The following KIF6 variants were observed in gnomAD, a reference collection of about 807,000 sequenced individuals.
KIF6 encodes kinesin-like protein KIF6.
A neutral mutation model predicts 112.7 loss-of-function variants in KIF6; 106 were observed. The observed-to-expected ratio is 0.94, with a 90% CI of 0.80 to 1.11. KIF6 has a LOEUF of 1.11. KIF6 is among the 50% of genes least tolerant of loss of function. The pLI is 0.00. For synonymous variants in KIF6, 339 were observed against 339.9 expected (o/e 1.00, Z 0.03); for missense variants, 929 against 964.0 (o/e 0.96, Z 0.48).
intron 5 of KIF6, among the ~76,000 whole-genome samples, chr6:39,624,929 T>A (rs1784012847): frequency 6.6e-6 from 1 of 152,240 alleles, no homozygotes. Context: ...TAACTTCCAA[T>A]GTGATGATAT....
intron 13 of KIF6, among the ~76,000 whole-genome samples, chr6:39,506,316 C>T (rs1776423955): frequency 1.3e-5 from 2 of 152,066 alleles, no homozygotes; most frequent in South Asian, 4.1e-4. Context: ...AATGAGGACA[C>T]ATGGATGCAG....
chr6:39,559,880 A>C (rs1779921745), intron 10 of KIF6, among the ~76,000 whole-genome samples: 1 of 152,218 alleles, frequency 6.6e-6, no homozygotes, highest in South Asian at 2.1e-4. Context: ...ACTGTTTTTA[A>C]GGCAAAACTA....
chr6:39,452,891 T>C (rs1470922829), intron 13 of KIF6, among the ~76,000 whole-genome samples: 2 of 152,230 alleles, frequency 1.3e-5, no homozygotes, highest in Non-Finnish European at 2.9e-5. Flanking sequence ...CCTATAATGC[T>C]ATGATTCTTG....
At chr6:39,710,207 A>G (rs1275654793) in intron 3 of KIF6, among the ~76,000 whole-genome samples, 1 of 152,190 alleles carries the variant, frequency 6.6e-6, no homozygotes, top group Non-Finnish European at 1.5e-5. Flanking sequence ...GGACAGTAAG[A>G]TACTCCTAGC....
chr6:39,711,338 T>G (rs1789546348), intron 3 of KIF6, among the ~76,000 whole-genome samples: 1 of 146,912 alleles, frequency 6.8e-6, no homozygotes, highest in Non-Finnish European at 1.5e-5. Flanking sequence ...GGCATGGACA[T>G]CTTTTCAACA....
intron 3 of KIF6, among the ~76,000 whole-genome samples, chr6:39,685,458 G>C (rs181226730): frequency 6.6e-6 from 1 of 152,310 alleles, no homozygotes. Flanking sequence ...CAAGGGAAGG[G>C]AATGTAGGAA....
intron 13 of KIF6, among the ~76,000 whole-genome samples, chr6:39,441,430 C>A (rs117508856): frequency 6.6e-6 from 1 of 152,302 alleles, no homozygotes; most frequent in East Asian, 1.9e-4. Context: ...CAGATGGTCT[C>A]CCCTGGAGAG....
intron 10 of KIF6, among the ~76,000 whole-genome samples, chr6:39,559,486 C>T (rs1294813782): frequency 6.6e-6 from 1 of 152,062 alleles, no homozygotes; most frequent in East Asian, 1.9e-4. Context: ...ACAAAGAACA[C>T]AGAAAAGGTG....
rs1020194809 is a variant in KIF6 at position 39,332,685 on chromosome 6, G to C, written c.*3847C>G. 6.6e-6 allele frequency: 1 copy of C among 152,202 alleles called. No individual in the cohort carries two copies. The highest frequency in any genetic ancestry group is 1.5e-5 in the Non-Finnish European group (1 of 68,048). The allele number at this position is 152,202 out of a possible 1,614,324, so 9.4% of individuals were successfully genotyped here. ...CTTCCTCCTGGTGGTTCTTTCCCCT[G>C]CCTTGGGTAATTTCTTCACATGCAG... On this transcript the variant is annotated 3_prime_UTR_variant, in exon 23 of 23. Coordinates refer to ENST00000287152, the MANE Select transcript of KIF6 (RefSeq NM_145027.6).
In KIF6 at chr6:39,716,000, A is replaced by G. The variant is rs576395956; in HGVS notation, c.177-1234T>C. ...CTCAGCTTTTGAGGAGAATGATGAT[A>G]ACGCTGGTTCACTTCTTTTATCAGA... On this transcript the variant is annotated intron_variant, in intron 2 of 22. Coordinates refer to ENST00000287152, the MANE Select transcript of KIF6 (RefSeq NM_145027.6). Among the ~76,000 whole-genome samples, 4 of 152,212 alleles carry G rather than the reference A, an allele frequency of 2.6e-5. No individual in the cohort carries two copies. In the South Asian group the frequency reaches 8.3e-4, roughly 32 times the overall value.
At chr6:39,618,590 A>G (rs1276145267) in intron 5 of KIF6, among the ~76,000 whole-genome samples, 1 of 152,188 alleles carries the variant, frequency 6.6e-6, no homozygotes, top group Non-Finnish European at 1.5e-5. Context: ...AATTATAAAC[A>G]AGACCCAAGG....
chr6:39,658,988 G>T (rs1489081306), intron 3 of KIF6, among the ~76,000 whole-genome samples: 1 of 152,214 alleles, frequency 6.6e-6, no homozygotes, highest in East Asian at 1.9e-4. Context: ...GGACAGAGGA[G>T]AAATTGAACT....
rs1291843649 is a variant in KIF6 at position 39,458,486 on chromosome 6, G to A, written c.1646-27325C>T. ...CAAGACAGGGATGCCCTCTCTCACCGCTCCTATTCAACATAGTGTTGGAAG... is the reference window on the plus strand; with the variant it reads ...CAAGACAGGGATGCCCTCTCTCACCACTCCTATTCAACATAGTGTTGGAAG... On this transcript the variant is annotated intron_variant, in intron 13 of 22. Transcript: ENST00000287152. 1.8e-3 allele frequency among the ~76,000 whole-genome samples: 262 copies of A among 148,956 alleles called. 1 individual carries two copies. Among genetic ancestry groups the A allele is most frequent in the Non-Finnish European group, 2.4e-3 (163 of 67,290 alleles).
chr6:39,631,089 T>G lies in KIF6; in HGVS notation c.509+3760A>C, dbSNP rs149110331. Among the ~76,000 whole-genome samples the G allele has an allele frequency of 3.5e-3, 534 of 152,212 alleles. 3 individuals are homozygous for G. Among genetic ancestry groups the G allele is most frequent in the African/African-American group, 0.012 (494 of 41,572 alleles). ...TAATCTGCTAATATTTTATTGAGGA[T>G]TTTTGCATGTGTAGTCACAAGAGAT... On this transcript the variant is annotated intron_variant, in intron 5 of 22. Transcript: ENST00000287152.
intron 14 of KIF6, among the ~76,000 whole-genome samples, chr6:39,428,683 T>G (rs559313541): frequency 2.8e-4 from 42 of 152,366 alleles, no homozygotes; most frequent in Admixed American, 2.1e-3. Context: ...AGTATACCTT[T>G]TTTGCTAAAG....
intron 3 of KIF6, among the ~76,000 whole-genome samples, chr6:39,687,947 C>T (rs1319078495): frequency 6.6e-6 from 1 of 152,130 alleles, no homozygotes; most frequent in African/African-American, 2.4e-5. Flanking sequence ...GGTCTTGTGA[C>T]AAAGATGTGT....
At chr6:39,368,394 T>C (rs1041000192) in intron 16 of KIF6, among the ~76,000 whole-genome samples, 5 of 152,188 alleles carry the variant, frequency 3.3e-5, no homozygotes, top group Non-Finnish European at 7.3e-5. Context: ...TAAGCAGAGC[T>C]AGTGGGAGAA....
chr6:39,635,643 T>A (rs768563575), intron 4 of KIF6, among the ~76,000 whole-genome samples: 14 of 152,062 alleles, frequency 9.2e-5, no homozygotes, highest in Non-Finnish European at 2.1e-4. Flanking sequence ...GGGTCACTGC[T>A]GAAATGCAAT....
intron 1 of KIF6, among the ~76,000 whole-genome samples, chr6:39,721,496 C>T (rs996648379): frequency 6.6e-6 from 1 of 152,162 alleles, no homozygotes; most frequent in African/African-American, 2.4e-5. Flanking sequence ...AGGACTGTAA[C>T]ATTCTCTGAT....
Sources: gnomAD v4.1 joint callset for allele counts (sites outside exome capture counted in the v4.1 genomes callset) on GRCh38, gnomAD v4.1.1 for gene constraint, MANE v1.5 for transcripts, NCBI Gene and HGNC (gene_info 2026-07-23, HGNC 2026-07-21) for gene names.